Variants in CAMTA1 observed in about 807,000 individuals in gnomAD.
CAMTA1 encodes calmodulin-binding transcription activator 1.
Under a neutral mutation model 170.9 loss-of-function variants are expected in CAMTA1, and 27 were observed. That is an observed-to-expected ratio of 0.16 (90% CI 0.12 to 0.22). The LOEUF is 0.22. Ranked by LOEUF, CAMTA1 falls within the 10% of genes least tolerant of loss-of-function variation. The pLI is 1.00. For missense variants in CAMTA1, 1,619 were observed against 2,217.2 expected, an observed-to-expected ratio of 0.73 and a Z score of 5.42; for synonymous variants, 833 against 891.5, an observed-to-expected ratio of 0.93 and a Z score of 1.17.
At chr1:7,016,070 G>C (rs1415314887) in intron 3 of CAMTA1, among the ~76,000 whole-genome samples, 1 of 152,178 alleles carries the variant, frequency 6.6e-6, no homozygotes, top group Non-Finnish European at 1.5e-5. Flanking sequence ...ATTTGGGTGG[G>C]ACACAGAGCC....
At chr1:7,478,234 C>T (rs1314756372) in intron 6 of CAMTA1, among the ~76,000 whole-genome samples, 1 of 151,706 alleles carries the variant, frequency 6.6e-6, no homozygotes, top group Admixed American at 6.6e-5. Flanking sequence ...TCCTATCCAA[C>T]CCAGTTTGCA....
intron 3 of CAMTA1, among the ~76,000 whole-genome samples, chr1:6,917,536 C>T (rs1157035039): frequency 7.2e-6 from 1 of 139,296 alleles, no homozygotes; most frequent in African/African-American, 2.7e-5. Context: ...ATCTGTAGGA[C>T]TTGGCCATCG....
In CAMTA1 at chr1:7,411,750, T is replaced by A. The variant is rs375580059; in HGVS notation, c.439-56080T>A. 2.6e-4 allele frequency among the ~76,000 whole-genome samples: 39 copies of A among 152,140 alleles called. 1 individual carries two copies. The highest frequency in any genetic ancestry group is 1.5e-3 in the East Asian group (8 of 5,172). The stretch of plus-strand genomic sequence containing the variant: ...GATGGGATAAAGCCAGCTTTTCCTT[T>A]TTTTATTTTATTTTATTATTATTAT... On this transcript the variant is annotated intron_variant, in intron 5 of 22. Coordinates refer to ENST00000303635, the MANE Select transcript of CAMTA1 (RefSeq NM_015215.4).
intron 11 of CAMTA1, among the ~76,000 whole-genome samples, chr1:7,715,129 T>A (rs1558202073): frequency 6.6e-6 from 1 of 152,100 alleles, no homozygotes; most frequent in Non-Finnish European, 1.5e-5. Flanking sequence ...CACACAGGAT[T>A]GTTACCAGTT....
intron 4 of CAMTA1, among the ~76,000 whole-genome samples, chr1:7,111,912 AC>A (rs1225679977): frequency 1.4e-5 from 2 of 138,570 alleles, no homozygotes; most frequent in Non-Finnish European, 3.1e-5. Flanking sequence ...AAAAAAAAAA[AC>A]CGAAGACTGA....
chr1:7,324,807 A>AC (rs1679050593), intron 5 of CAMTA1, among the ~76,000 whole-genome samples: 1 of 24,500 alleles, frequency 4.1e-5, no homozygotes. Context: ...ACTCCATCTC[A>AC]AAAAAAAAAA....
chr1:7,734,443 T>G (rs2096756274), intron 12 of CAMTA1, among the ~76,000 whole-genome samples: 1 of 152,236 alleles, frequency 6.6e-6, no homozygotes, highest in Admixed American at 6.5e-5. Context: ...TCATCCCATG[T>G]TAACCACTAC....
intron 6 of CAMTA1, among the ~76,000 whole-genome samples, chr1:7,620,035 A>G (rs1425706230): frequency 1.3e-5 from 2 of 152,216 alleles, no homozygotes; most frequent in Admixed American, 1.3e-4. Flanking sequence ...CCCTCCCAGA[A>G]TAGACCAGAA....
intron 3 of CAMTA1, among the ~76,000 whole-genome samples, chr1:7,070,731 T>A (rs1226248141): frequency 6.6e-6 from 1 of 151,886 alleles, no homozygotes; most frequent in Non-Finnish European, 1.5e-5. Flanking sequence ...AGAGAGGGAG[T>A]CCTCCCAGTC....
rs2092926421 is a variant in CAMTA1, at chr1:7,455,385, G to T, written c.439-12445G>T. ...CCAGCCCATTAATTCTGCATGCTCAGGCCGAATTAACCTTGGCAAGCCTTC... is the reference window on the plus strand; with the variant it reads ...CCAGCCCATTAATTCTGCATGCTCATGCCGAATTAACCTTGGCAAGCCTTC... On this transcript the variant is annotated intron_variant, in intron 5 of 22. Transcript: ENST00000303635. The surrounding 1 kb of genome is among the most constrained non-coding windows in gnomAD (Gnocchi z 5.0). Among the ~76,000 whole-genome samples, 5 of 152,316 alleles carry T rather than the reference G, an allele frequency of 3.3e-5. No individual in the cohort carries two copies. The South Asian group carries it at 1.0e-3, about 32-fold the overall frequency.
At chr1:6,787,036 G>C (rs1438859211) in intron 1 of CAMTA1, among the ~76,000 whole-genome samples, 1 of 152,178 alleles carries the variant, frequency 6.6e-6, no homozygotes, top group East Asian at 1.9e-4. Context: ...ACCAGACTTT[G>C]TCCGTCCCAC....
chr1:7,391,060 C>A (rs964684206), intron 5 of CAMTA1, among the ~76,000 whole-genome samples: 1 of 151,910 alleles, frequency 6.6e-6, no homozygotes, highest in Non-Finnish European at 1.5e-5. Flanking sequence ...TGCAGTGACG[C>A]GATCTCGGCT....
At chr1:7,017,127 C>G (rs989295514) in intron 3 of CAMTA1, among the ~76,000 whole-genome samples, 1 of 152,150 alleles carries the variant, frequency 6.6e-6, no homozygotes. Flanking sequence ...AGGTAGGCCC[C>G]GAGTCCCAGT....
intron 3 of CAMTA1, among the ~76,000 whole-genome samples, chr1:7,024,318 G>T: frequency 6.6e-6 from 1 of 152,040 alleles, no homozygotes; most frequent in East Asian, 1.9e-4. Flanking sequence ...CCATGTGTGG[G>T]CACATCAGGG....
intron 5 of CAMTA1, among the ~76,000 whole-genome samples, chr1:7,268,882 C>G (rs1448347608): frequency 2.0e-5 from 3 of 152,136 alleles, no homozygotes; most frequent in Non-Finnish European, 4.4e-5. Context: ...TTCAAATAAT[C>G]TATTATAAAT....
At chr1:6,884,325 C>CAA (rs1276745865) in intron 3 of CAMTA1, among the ~76,000 whole-genome samples, 1 of 149,476 alleles carries the variant, frequency 6.7e-6, no homozygotes, top group Admixed American at 6.8e-5. Flanking sequence ...CACACACACA[C>CAA]ACACACACAC....
intron 3 of CAMTA1, among the ~76,000 whole-genome samples, chr1:6,857,687 A>G (rs1012190909): frequency 1.3e-5 from 2 of 151,956 alleles, no homozygotes; most frequent in Non-Finnish European, 2.9e-5. Context: ...TAACTCAACA[A>G]ATATTTGAAT....
chr1:7,535,951 C>T (rs2094544323), intron 6 of CAMTA1, among the ~76,000 whole-genome samples: 1 of 152,234 alleles, frequency 6.6e-6, no homozygotes, highest in Admixed American at 6.5e-5. Context: ...ACAAAATGCA[C>T]TACACGATTA....
intron 3 of CAMTA1, among the ~76,000 whole-genome samples, chr1:7,026,302 C>T (rs562990944): frequency 6.6e-6 from 1 of 152,192 alleles, no homozygotes; most frequent in African/African-American, 2.4e-5. Context: ...GATTGCTGCT[C>T]AGGCCCTGTG....
Sources: gnomAD v4.1 joint callset for allele counts (sites outside exome capture counted in the v4.1 genomes callset) on GRCh38, gnomAD v4.1.1 for gene constraint, Gnocchi (gnomAD v3.1) non-coding constraint, MANE v1.5 for transcripts, NCBI Gene and HGNC (gene_info 2026-07-23, HGNC 2026-07-21) for gene names.